Variants in RGS7 observed in about 807,000 individuals in gnomAD.
RGS7 encodes the protein regulator of G protein signaling 7.
A neutral mutation model predicts 81.1 loss-of-function variants in RGS7; 27 were observed. The observed-to-expected ratio is 0.33, with a 90% confidence interval of 0.25 to 0.46. RGS7 has a LOEUF of 0.46. RGS7 is among the 20% of genes least tolerant of loss of function. RGS7 has a pLI of 1.00. For synonymous variants in RGS7, 208 were observed against 207.7 expected (o/e 1.00, Z -0.01); for missense variants, 396 against 607.4 (o/e 0.65, Z 3.66).
intron 2 of RGS7, among the ~76,000 whole-genome samples, chr1:241,188,321 A>G: frequency 9.7e-6 from 1 of 102,994 alleles, no homozygotes; most frequent in Non-Finnish European, 2.5e-5. Context: ...ACAAAAAGAG[A>G]CAGACCTTAA....
At chr1:241,033,928 G>A (rs2060208838) in intron 3 of RGS7, among the ~76,000 whole-genome samples, 1 of 152,010 alleles carries the variant, frequency 6.6e-6, no homozygotes, top group South Asian at 2.1e-4. Context: ...ACTTCTCACA[G>A]CCTTAAACAT....
At chr1:240,898,894 C>T (rs1172903082) in intron 6 of RGS7, among the ~76,000 whole-genome samples, 1 of 152,118 alleles carries the variant, frequency 6.6e-6, no homozygotes, top group African/African-American at 2.4e-5. Context: ...GTTAAAATCT[C>T]CCATTATTAC....
Position 241,090,436 on chromosome 1 carries a change from G to A in RGS7, c.175+8230C>T, listed in dbSNP as rs546726951. The stretch of plus-strand genomic sequence containing the variant: ...GACATGTGCAGTTTGAGACTTCTTT[G>A]ACATACCCAAGCGAAAATACTGTAT... On this transcript the variant is annotated intron_variant, in intron 3 of 18. Coordinates refer to ENST00000440928, the MANE Select transcript of RGS7 (RefSeq NM_001364886.1). Among the ~76,000 whole-genome samples, 6 of 152,162 alleles carry A rather than the reference G, an allele frequency of 3.9e-5. No homozygotes were observed. The South Asian group carries it at 1.2e-3, about 32-fold the overall frequency.
intron 3 of RGS7, among the ~76,000 whole-genome samples, chr1:241,092,833 A>G (rs1193248381): frequency 6.7e-6 from 1 of 149,260 alleles, no homozygotes; most frequent in African/African-American, 2.6e-5. Context: ...AGCCCCCAAC[A>G]AACTTAAAAG....
At chr1:240,933,592 G>A (rs1177433953) in intron 5 of RGS7, among the ~76,000 whole-genome samples, 2 of 150,838 alleles carry the variant, frequency 1.3e-5, no homozygotes, top group African/African-American at 2.4e-5. Flanking sequence ...GTTTTTTTTG[G>A]AATTTAAATA....
At chr1:241,335,944 A>G (rs989708260) in intron 2 of RGS7, among the ~76,000 whole-genome samples, 3 of 152,102 alleles carry the variant, frequency 2.0e-5, no homozygotes, top group African/African-American at 4.8e-5. Flanking sequence ...GTTTCACTAT[A>G]TAAAAGAACT....
chr1:241,351,068 GCT>G (rs1485398735), intron 2 of RGS7, among the ~76,000 whole-genome samples: 4 of 152,158 alleles, frequency 2.6e-5, no homozygotes, highest in African/African-American at 9.7e-5. Context: ...TTGGGTGATA[GCT>G]CTCACTGTGA....
chr1:241,082,002 G>A (rs2063161123), intron 3 of RGS7, among the ~76,000 whole-genome samples: 1 of 152,182 alleles, frequency 6.6e-6, no homozygotes, highest in African/African-American at 2.4e-5. Context: ...ACAGTTGGTA[G>A]TCAGAGAGAA....
intron 2 of RGS7, among the ~76,000 whole-genome samples, chr1:241,201,826 A>T (rs973097447): frequency 2.6e-5 from 4 of 152,156 alleles, no homozygotes; most frequent in Non-Finnish European, 5.9e-5. Context: ...AAGTAAACGT[A>T]GGAGCCAGGA....
intron 5 of RGS7, among the ~76,000 whole-genome samples, chr1:240,936,093 G>A (rs986131218): frequency 6.6e-6 from 1 of 152,194 alleles, no homozygotes; most frequent in Non-Finnish European, 1.5e-5. Flanking sequence ...TTATCAGTTT[G>A]CAAGTTATCT....
intron 2 of RGS7, among the ~76,000 whole-genome samples, chr1:241,105,944 T>C (rs2065066747): frequency 6.6e-6 from 1 of 152,368 alleles, no homozygotes; most frequent in East Asian, 1.9e-4. Flanking sequence ...TTATGGTGTG[T>C]ACTGTCATTT....
intron 2 of RGS7, among the ~76,000 whole-genome samples, chr1:241,161,063 T>C (rs1332800610): frequency 2.9e-5 from 3 of 104,810 alleles, no homozygotes; most frequent in Non-Finnish European, 5.2e-5. Flanking sequence ...AAACCACCTG[T>C]AGAAATGATT....
intron 9 of RGS7, among the ~76,000 whole-genome samples, chr1:240,861,474 T>C (rs1662180882): frequency 6.6e-6 from 1 of 152,196 alleles, no homozygotes. Flanking sequence ...ATTCTGTTTC[T>C]GGCTCATGAC....
At chr1:241,339,160 T>G (rs557076333) in intron 2 of RGS7, among the ~76,000 whole-genome samples, 2 of 152,326 alleles carry the variant, frequency 1.3e-5, no homozygotes, top group African/African-American at 4.8e-5. Context: ...GTTCCTATGT[T>G]AGTCTGCTGA....
intron 3 of RGS7, among the ~76,000 whole-genome samples, chr1:240,989,723 T>C (rs1166334075): frequency 6.6e-6 from 1 of 152,138 alleles, no homozygotes; most frequent in Non-Finnish European, 1.5e-5. Context: ...TGCTAATATC[T>C]ATTAAGATTA....
intron 2 of RGS7, among the ~76,000 whole-genome samples, chr1:241,237,737 A>G (rs2076055461): frequency 6.6e-6 from 1 of 152,254 alleles, no homozygotes; most frequent in South Asian, 2.1e-4. Flanking sequence ...TGGTTTATGC[A>G]GTGCACTTCT....
At chr1:241,251,098 C>T (rs1443889411) in intron 2 of RGS7, among the ~76,000 whole-genome samples, 2 of 152,142 alleles carry the variant, frequency 1.3e-5, no homozygotes, top group African/African-American at 4.8e-5. Flanking sequence ...AATCGTGAAC[C>T]TTTTGAAAGT....
intron 2 of RGS7, among the ~76,000 whole-genome samples, chr1:241,210,282 TG>T (rs1386667119): frequency 6.6e-6 from 1 of 152,194 alleles, no homozygotes; most frequent in African/African-American, 2.4e-5. Flanking sequence ...CCTGACTAGC[TG>T]GGCTTACAGG....
intron 3 of RGS7, among the ~76,000 whole-genome samples, chr1:241,022,409 C>A (rs1345840515): frequency 6.6e-6 from 1 of 152,210 alleles, no homozygotes; most frequent in Non-Finnish European, 1.5e-5. Flanking sequence ...CTTTGCAGTA[C>A]TAACAAATTA....
Sources: allele counts gnomAD v4.1 joint callset (sites outside exome capture counted in the v4.1 genomes callset), GRCh38; gene constraint gnomAD v4.1.1; transcripts MANE v1.5; gene names NCBI Gene and HGNC (gene_info 2026-07-23, HGNC 2026-07-21).